FRMPD4: variants seen among roughly 807,000 people sequenced by gnomAD.
The protein encoded by FRMPD4 is FERM and PDZ domain containing 4.
Under a neutral mutation model 94.1 loss-of-function variants are expected in FRMPD4, and 22 were observed. That is an observed-to-expected ratio of 0.23 (90% CI 0.17 to 0.33). FRMPD4 has a LOEUF of 0.33. Among genes scored for constraint, FRMPD4 ranks in the 10% least tolerant of loss-of-function variants. FRMPD4 has a pLI of 1.00. For missense variants in FRMPD4, 1,111 were observed against 1,339.9 expected, an observed-to-expected ratio of 0.83 and a Z score of 2.67; for synonymous variants, 631 against 548.6, an observed-to-expected ratio of 1.15 and a Z score of -2.10.
chrX:12,265,379 T>C lies in FRMPD4; in HGVS notation c.41+126367T>C, dbSNP rs886695576. Among the ~76,000 whole-genome samples, 4 of 112,216 alleles carry C rather than the reference T, an allele frequency of 3.6e-5. No homozygotes were observed. The Admixed American group carries it at 3.8e-4, about 11-fold the overall frequency. On this transcript the variant is annotated intron_variant, in intron 1 of 16. Transcript: ENST00000675598. ...TGAAAAAGAAGCCCAGTAACTGTAA[T>C]AAGAGTCTTCTGTGTTATATGGGTT... is the stretch of plus-strand genomic sequence containing the variant.
chrX:11,838,413 T>A (rs1289107257), intron 1 of FRMPD4, among the ~76,000 whole-genome samples: 1 of 111,837 alleles, frequency 8.9e-6, no homozygotes, highest in African/African-American at 3.2e-5. Context: ...GTTATTATTC[T>A]GGGGGTAGGA....
chrX:12,362,746 G>A (rs1208207786), intron 1 of FRMPD4, among the ~76,000 whole-genome samples: 1 of 111,765 alleles, frequency 8.9e-6, no homozygotes. Context: ...GGGTCAAATG[G>A]TATTTCTAGT....
At chrX:12,207,317 T>C (rs1199066844) in intron 1 of FRMPD4, among the ~76,000 whole-genome samples, 1 of 111,615 alleles carries the variant, frequency 9.0e-6, no homozygotes, top group Non-Finnish European at 1.9e-5. Context: ...TAGATAGAAA[T>C]TTCTCAATAT....
intron 4 of FRMPD4, among the ~76,000 whole-genome samples, chrX:12,625,620 T>C (rs1415975138): frequency 8.9e-6 from 1 of 111,753 alleles, no homozygotes; most frequent in Non-Finnish European, 1.9e-5. Context: ...CATTGATAGT[T>C]ACCAGTGGCT....
chrX:11,904,441 G>T (rs188611485), intron 3 of FRMPD4, among the ~76,000 whole-genome samples: 1 of 112,336 alleles, frequency 8.9e-6, no homozygotes, highest in African/African-American at 3.2e-5. Context: ...TAGATGAAAG[G>T]CAGGGGACGT....
At chrX:11,910,347 A>C (rs1474378396) in intron 3 of FRMPD4, among the ~76,000 whole-genome samples, 1 of 112,441 alleles carries the variant, frequency 8.9e-6, no homozygotes, top group Non-Finnish European at 1.9e-5. Context: ...ATATGATCTC[A>C]TTAATGCCCA....
intron 1 of FRMPD4, among the ~76,000 whole-genome samples, chrX:12,387,245 T>C (rs1397733153): frequency 8.9e-6 from 1 of 112,432 alleles, no homozygotes; most frequent in East Asian, 2.8e-4. Context: ...TATTTTTCAC[T>C]GTTTTGGATC....
rs563804861 is a variant in FRMPD4 at position 12,305,725 on chromosome X, G to GTTTTTTTTTGTTTGT, written c.41+166722_41+166723insGTTTGTTTTTTTTTT. Among the ~76,000 whole-genome samples, 314 of 59,697 alleles carry GTTTTTTTTTGTTTGT rather than the reference G, an allele frequency of 5.3e-3. 4 individuals carry two copies. The highest frequency in any genetic ancestry group is 0.022 in the African/African-American group (295 of 13,234). The allele number at this position is 59,697 out of a possible 115,157, so 51.8% of individuals were successfully genotyped here. ...GGCATGTACCACCACAGCTGGCTAAGTTTTTTTTTTTTTTTTTTTTTTACA... is the reference window on the plus strand; with the variant it reads ...GGCATGTACCACCACAGCTGGCTAAGTTTTTTTTTGTTTGTTTTTTTTTTTTTTTTTTTTTTTACA... On this transcript the variant is annotated intron_variant, in intron 1 of 16. Coordinates refer to ENST00000675598, the MANE Select transcript of FRMPD4 (RefSeq NM_001368397.1).
chrX:11,989,315 T>A (rs2054450818), intron 3 of FRMPD4, among the ~76,000 whole-genome samples: 2 of 111,816 alleles, frequency 1.8e-5, no homozygotes, highest in African/African-American at 6.5e-5. Context: ...GAGAATGGGA[T>A]CCTGTCATTT....
chrX:12,059,851 A>G lies in FRMPD4; in HGVS notation c.95+181833A>G, dbSNP rs2054875200. On this transcript the variant is annotated intron_variant, in intron 3 of 18. Transcript: ENST00000640291. ...TATGTACCATATTTTTAAAAATCCA[A>G]TCCACCATTGATGGGCACTTAAGTT... Among the ~76,000 whole-genome samples, 4 of 110,134 alleles carry G rather than the reference A, an allele frequency of 3.6e-5. No homozygotes were observed. The South Asian group carries it at 1.2e-3, about 33-fold the overall frequency.
At chrX:12,513,181 A>T (rs1405301736) in intron 2 of FRMPD4, among the ~76,000 whole-genome samples, 1 of 111,965 alleles carries the variant, frequency 8.9e-6, no homozygotes, top group Non-Finnish European at 1.9e-5. Flanking sequence ...GTTCACTCTG[A>T]TGATAGTTTA....
At chrX:12,696,586 C>CAAAAAAAAAAAAAAAAAAAAAAAAAAACA (rs57877846) in intron 9 of FRMPD4, among the ~76,000 whole-genome samples, 1 of 30,063 alleles carries the variant, frequency 3.3e-5, no homozygotes, top group Non-Finnish European at 6.6e-5. Flanking sequence ...AAAAATGAAG[C>CAAAAAAAAAAAAAAAAAAAAAAAAAAACA]AAAAAAAAAA....
At chrX:12,264,963 G>C (rs2054249470) in intron 1 of FRMPD4, among the ~76,000 whole-genome samples, 1 of 112,181 alleles carries the variant, frequency 8.9e-6, no homozygotes, top group South Asian at 3.7e-4. Flanking sequence ...CCAGTTTTCA[G>C]TAGAGGAAAA....
chrX:12,100,213 G>C, intron 3 of FRMPD4, among the ~76,000 whole-genome samples: 1 of 112,045 alleles, frequency 8.9e-6, no homozygotes, highest in East Asian at 2.8e-4. Flanking sequence ...TAGAATCTCT[G>C]AAAATATTAG....
At chrX:12,021,570 C>T (rs2054632459) in intron 3 of FRMPD4, among the ~76,000 whole-genome samples, 2 of 111,529 alleles carry the variant, frequency 1.8e-5, no homozygotes, top group South Asian at 7.6e-4. Flanking sequence ...TATGCAAGCA[C>T]AGGTTCTATT....
chrX:12,347,767 GTTC>G (rs2055737361), intron 1 of FRMPD4, among the ~76,000 whole-genome samples: 1 of 111,527 alleles, frequency 9.0e-6, no homozygotes, highest in South Asian at 3.7e-4. Flanking sequence ...TATTTAAATT[GTTC>G]ATCACAGTAG....
chrX:12,323,032 G>T (rs1288724235), intron 1 of FRMPD4, among the ~76,000 whole-genome samples: 4 of 111,837 alleles, frequency 3.6e-5, no homozygotes, highest in African/African-American at 1.3e-4. Flanking sequence ...ATGTGCATGT[G>T]TGAAGTGTAT....
At chrX:12,139,513 T>C (rs762943139) in intron 1 of FRMPD4, among the ~76,000 whole-genome samples, 9 of 101,736 alleles carry the variant, frequency 8.8e-5, no homozygotes, top group East Asian at 3.1e-4. Flanking sequence ...GGCGAAGTCA[T>C]GTAGATAGAA....
chrX:11,893,929 G>T (rs1436873598), intron 3 of FRMPD4, among the ~76,000 whole-genome samples: 3 of 111,988 alleles, frequency 2.7e-5, no homozygotes, highest in Admixed American at 9.5e-5. Context: ...TTGTTGTGAA[G>T]GGATTCTGCA....
Sources: allele counts gnomAD v4.1 joint callset (sites outside exome capture counted in the v4.1 genomes callset), GRCh38; gene constraint gnomAD v4.1.1; transcripts MANE v1.5; gene names NCBI Gene and HGNC (gene_info 2026-07-23, HGNC 2026-07-21).